The following UPF2 variants were observed in gnomAD, a reference collection of about 807,000 sequenced individuals.
The protein encoded by UPF2 is regulator of nonsense transcripts 2.
UPF2 carries 17 observed loss-of-function variants against 141.4 expected under a neutral mutation model. That is an observed-to-expected ratio of 0.12 (90% confidence interval 0.08 to 0.18). The LOEUF (loss-of-function observed/expected upper bound fraction) is 0.18, where lower values mean the gene tolerates loss of function less well. Ranked by LOEUF, UPF2 falls within the 10% of genes least tolerant of loss-of-function variation. UPF2 has a pLI of 1.00. For synonymous variants in UPF2, 540 were observed against 498.0 expected, an observed-to-expected ratio of 1.08 and a Z score of -1.12; for missense variants, 1,152 against 1,515.9, an observed-to-expected ratio of 0.76 and a Z score of 3.99.
chr10:11,941,607 C>G (rs1379564009), intron 18 of UPF2, among the ~76,000 whole-genome samples: 1 of 152,088 alleles, frequency 6.6e-6, no homozygotes, highest in East Asian at 1.9e-4. Context: ...CCTTCTCTAG[C>G]TACCTCCCCG....
At chr10:12,041,173 A>G (rs1459189928) in intron 1 of UPF2, among the ~76,000 whole-genome samples, 1 of 152,252 alleles carries the variant, frequency 6.6e-6, no homozygotes, top group African/African-American at 2.4e-5. Context: ...TCTTATTTCA[A>G]TAACTTCAAG....
chr10:12,005,383 A>G (rs138827974), intron 4 of UPF2, among the ~76,000 whole-genome samples: 108 of 152,328 alleles, frequency 7.1e-4, no homozygotes, highest in Middle Eastern at 6.8e-3. Flanking sequence ...TCCAAAGGGT[A>G]GAAGTTTGAG....
chr10:12,009,160 T>C (rs908780193), intron 4 of UPF2, among the ~76,000 whole-genome samples: 1 of 152,174 alleles, frequency 6.6e-6, no homozygotes, highest in Non-Finnish European at 1.5e-5. Flanking sequence ...AAACTTAAAA[T>C]GCATATATCC....
chr10:12,016,876 C>G lies in UPF2; in HGVS notation c.1146-2692G>C, dbSNP rs549078370. On this transcript the variant is annotated intron_variant, in intron 3 of 21. Transcript: ENST00000357604. The surrounding 1 kb of genome is among the most constrained non-coding windows in gnomAD (Gnocchi z 4.1). The stretch of plus-strand genomic sequence containing the variant: ...TCTCTACAAAAACATAAAAATTAGC[C>G]GGGCACGATGGTGGGTGCCTGTAAT... Among the ~76,000 whole-genome samples the G allele has an allele frequency of 9.9e-5, 15 of 151,782 alleles. No homozygotes were observed. The highest frequency in any genetic ancestry group is 2.1e-4 in the Non-Finnish European group (14 of 67,928).
chr10:12,023,215 C>T (rs1221471295), intron 3 of UPF2, among the ~76,000 whole-genome samples: 2 of 151,958 alleles, frequency 1.3e-5, no homozygotes, highest in Non-Finnish European at 2.9e-5. Context: ...TTTCAAAGTA[C>T]AAAGCATTTC....
rs138626094 is a variant in UPF2, at chr10:11,956,937, C to G, written c.2371-414G>C. Among the ~76,000 whole-genome samples, 628 of 152,308 alleles carry G rather than the reference C, an allele frequency of 4.1e-3. 4 individuals are homozygous for G. Among genetic ancestry groups the G allele is most frequent in the African/African-American group, 0.014 (591 of 41,578 alleles). On this transcript the variant is annotated intron_variant, in intron 12 of 21. Transcript: ENST00000357604. This position sits in a 1 kb window ranked among gnomAD's most constrained non-coding sequence, Gnocchi z 4.2. Reference sequence around the variant, plus strand: ...CATGGCTCAAGCAATCCTCCCACCTCAGTCCCCCAAATAGACTGGACTACA... The same window carrying G: ...CATGGCTCAAGCAATCCTCCCACCTGAGTCCCCCAAATAGACTGGACTACA...
chr10:12,013,986 C>T (rs756245652), intron 4 of UPF2, 38 bp downstream of exon 4: 5 of 1,449,914 alleles, frequency 3.4e-6, no homozygotes, highest in East Asian at 5.1e-5. Flanking sequence ...ACAGTGCTTA[C>T]AGAAAACACA....
At chr10:11,949,161 C>T (rs1659205172) in intron 15 of UPF2, among the ~76,000 whole-genome samples, 1 of 152,202 alleles carries the variant, frequency 6.6e-6, no homozygotes, top group Non-Finnish European at 1.5e-5. Context: ...AATTCTTCTT[C>T]CTGTTGGAAT....
chr10:11,941,126 C>A (rs1040196978), intron 18 of UPF2, among the ~76,000 whole-genome samples: 1 of 152,196 alleles, frequency 6.6e-6, no homozygotes, highest in Non-Finnish European at 1.5e-5. Context: ...AGAACAGGAA[C>A]CACCTCAGTT....
At chr10:12,015,467 C>A (rs1405131338) in intron 3 of UPF2, among the ~76,000 whole-genome samples, 1 of 152,172 alleles carries the variant, frequency 6.6e-6, no homozygotes, top group Non-Finnish European at 1.5e-5. Flanking sequence ...TCTGGGAGGA[C>A]GAGGCAGGCG....
In UPF2 at chr10:11,931,885, T is replaced by A; in HGVS notation, c.3547-103A>T. ...GCAAGTACAGGCTGGGCACGGTGGC[T>A]CACGCCTGTAATCCCAGCACTTTGG... On this transcript the variant is annotated intron_variant, in intron 19 of 21. Transcript: ENST00000357604. This position sits in a 1 kb window ranked among gnomAD's most constrained non-coding sequence, Gnocchi z 5.9. The A allele has an allele frequency of 7.6e-7, 1 of 1,316,510 alleles. No individual in the cohort carries two copies. The highest frequency in any genetic ancestry group is 1.5e-5 in the South Asian group (1 of 66,326). The allele number at this position is 1,316,510 out of a possible 1,614,324, so 81.6% of individuals were successfully genotyped here.
At chr10:12,034,129 G>T (rs564073004) in intron 2 of UPF2, among the ~76,000 whole-genome samples, 1 of 152,194 alleles carries the variant, frequency 6.6e-6, no homozygotes, top group South Asian at 2.1e-4. Context: ...CCCTCCTTAA[G>T]CTTCATTTTG....
chr10:11,954,549 G>C (rs1242534656), intron 14 of UPF2, among the ~76,000 whole-genome samples: 1 of 150,860 alleles, frequency 6.6e-6, no homozygotes, highest in East Asian at 2.0e-4. Flanking sequence ...CAGGAGAATT[G>C]CTTGAACCTG....
In UPF2 at chr10:11,955,421, A is replaced by G. The variant is rs1226649022; in HGVS notation, c.2661T>C (p.Ala887=). 1 of 1,614,212 alleles carries G rather than the reference A, an allele frequency of 6.2e-7. No homozygotes were observed. The highest frequency in any genetic ancestry group is 1.7e-5 in the Admixed American group (1 of 60,032). ...AAGAATACAGAGTTCTGAAAATAAC[A>G]GCTGATTCCACCATTCGGTAATTGT... ...ELYNYRMVES[A]VIFRTLYSFT... is the part of the protein sequence containing the mutation. Residue 887 remains alanine, a synonymous_variant, in exon 14 of 22, where the codon GCT becomes GCC. Coordinates refer to ENST00000357604, the MANE Select transcript of UPF2 (RefSeq NM_015542.4).
At chr10:11,974,479 G>A (rs181559883) in intron 9 of UPF2, among the ~76,000 whole-genome samples, 352 of 152,244 alleles carry the variant, frequency 2.3e-3, no homozygotes, top group African/African-American at 8.1e-3. Flanking sequence ...AATGCTTCCA[G>A]TTTTTGCCCA....
intron 3 of UPF2, among the ~76,000 whole-genome samples, chr10:12,026,237 TGAA>T (rs575155436): frequency 1.2e-3 from 181 of 152,264 alleles, no homozygotes; most frequent in African/African-American, 4.0e-3. Context: ...TAGTTTAAGG[TGAA>T]GAAGAAGTGG....
chr10:11,977,370 C>T (rs1833521817), intron 9 of UPF2, among the ~76,000 whole-genome samples: 1 of 152,120 alleles, frequency 6.6e-6, no homozygotes, highest in Non-Finnish European at 1.5e-5. Context: ...TTTCTTCTCT[C>T]CTTCGAGAGC....
At chr10:12,023,890 G>A (rs1834362585) in intron 3 of UPF2, among the ~76,000 whole-genome samples, 1 of 151,642 alleles carries the variant, frequency 6.6e-6, no homozygotes, top group African/African-American at 2.4e-5. Flanking sequence ...TACTCAGGAG[G>A]TTGATGGAGG....
intron 2 of UPF2, among the ~76,000 whole-genome samples, chr10:12,031,192 A>AG (rs1210534077): frequency 1.5e-5 from 2 of 131,306 alleles, no homozygotes; most frequent in Non-Finnish European, 3.6e-5. Context: ...AAAAAAAAAC[A>AG]AAACAGTTTT....
Sources: gnomAD v4.1 joint callset for allele counts (sites outside exome capture counted in the v4.1 genomes callset) on GRCh38, gnomAD v4.1.1 for gene constraint, Gnocchi (gnomAD v3.1) non-coding constraint, MANE v1.5 for transcripts, NCBI Gene and HGNC (gene_info 2026-07-23, HGNC 2026-07-21) for gene names.